Variants in ZMYND12 observed in about 807,000 individuals in gnomAD.
The protein encoded by ZMYND12 is zinc finger MYND-type containing 12.
In ZMYND12, 32 loss-of-function variants were observed where a neutral mutation model predicts 41.7. That is an observed-to-expected ratio of 0.77 (90% CI 0.58 to 1.03). The LOEUF is 1.03. Among genes scored for constraint, ZMYND12 ranks in the 50% least tolerant of loss-of-function variants. The pLI is 0.00. For synonymous variants in ZMYND12, 148 were observed against 164.8 expected, an observed-to-expected ratio of 0.90 and a Z score of 0.78; for missense variants, 424 against 438.5, an observed-to-expected ratio of 0.97 and a Z score of 0.30.
At chr1:42,431,991 A>G (rs552752559) in intron 7 of ZMYND12, among the ~76,000 whole-genome samples, 12 of 151,778 alleles carry the variant, frequency 7.9e-5, no homozygotes, top group African/African-American at 2.9e-4. Flanking sequence ...GCTCCCTCCA[A>G]CCAGCCTCCT....
intron 7 of ZMYND12, among the ~76,000 whole-genome samples, chr1:42,431,498 G>C (rs1313642264): frequency 2.6e-5 from 4 of 152,202 alleles, no homozygotes; most frequent in Non-Finnish European, 4.4e-5. Context: ...GTAGTAGTGG[G>C]GGTTTGCAGT....
At chr1:42,445,138 A>T (rs1643010187) in intron 3 of ZMYND12, among the ~76,000 whole-genome samples, 1 of 150,816 alleles carries the variant, frequency 6.6e-6, no homozygotes, top group African/African-American at 2.4e-5. Context: ...CAAGTATATT[A>T]AAAATGAGAC....
chr1:42,453,979 G>A (rs138611017), intron 1 of ZMYND12, among the ~76,000 whole-genome samples: 2,471 of 152,288 alleles, frequency 0.016, 41 homozygotes, highest in Non-Finnish European at 0.023. Flanking sequence ...AAAGAAAAAT[G>A]GTACTGTGAG....
chr1:42,452,024 G>A (rs770642263), intron 1 of ZMYND12, among the ~76,000 whole-genome samples: 3 of 152,146 alleles, frequency 2.0e-5, no homozygotes, highest in Non-Finnish European at 2.9e-5. Context: ...TAAGTAGCTT[G>A]TGAGCCACAT....
chr1:42,430,556 A>C lies in ZMYND12; in HGVS notation c.*180T>G. The C allele has an allele frequency of 1.4e-6, 1 of 699,526 alleles. No individual in the cohort carries two copies. Among genetic ancestry groups the C allele is most frequent in the Non-Finnish European group, 2.2e-6 (1 of 444,866 alleles). The allele number at this position is 699,526 out of a possible 1,614,324, so 43.3% of individuals were successfully genotyped here. A position where few individuals can be genotyped will look rare whatever the true frequency, so the allele number is the denominator to read the frequency against. ...CAGTTTTTAGTGATTTCTATGCCTA[A>C]AGCTTTATATTCCCTTAATATGCTG... On this transcript the variant is annotated 3_prime_UTR_variant, in exon 8 of 8. Transcript: ENST00000372565.
At chr1:42,442,097 T>C (rs959026891) in intron 3 of ZMYND12, among the ~76,000 whole-genome samples, 5 of 151,994 alleles carry the variant, frequency 3.3e-5, no homozygotes, top group African/African-American at 4.8e-5. Context: ...AATGAGGCTA[T>C]GGTGGTAGGC....
chr1:42,452,020 G>C (rs1396780794), intron 1 of ZMYND12, among the ~76,000 whole-genome samples: 1 of 152,138 alleles, frequency 6.6e-6, no homozygotes, highest in Non-Finnish European at 1.5e-5. Flanking sequence ...CAATTAAGTA[G>C]CTTGTGAGCC....
Position 42,432,106 on chromosome 1 carries a change from G to A in ZMYND12, c.975+1037C>T, listed in dbSNP as rs1488535203. Among the ~76,000 whole-genome samples the A allele has an allele frequency of 2.8e-5, 4 of 143,948 alleles. No homozygotes were observed. In the Admixed American group the frequency reaches 2.9e-4, roughly 10 times the overall value. The allele number at this position is 143,948 out of a possible 152,430, so 94.4% of individuals were successfully genotyped here. On this transcript the variant is annotated intron_variant, in intron 7 of 7. Coordinates refer to ENST00000372565, the MANE Select transcript of ZMYND12 (RefSeq NM_032257.5). The stretch of plus-strand genomic sequence containing the variant: ...GGATCTTGCTCTGTCACCCAGGCTA[G>A]AGTGCAGAGGCACAAGCACGGCTCA...
At chr1:42,441,449 T>C (rs1311864819) in intron 3 of ZMYND12, among the ~76,000 whole-genome samples, 1 of 152,210 alleles carries the variant, frequency 6.6e-6, no homozygotes. Context: ...TATTTGCATA[T>C]AACCTATGCA....
intron 5 of ZMYND12, among the ~76,000 whole-genome samples, chr1:42,435,862 G>A (rs1381914100): frequency 6.6e-6 from 1 of 152,106 alleles, no homozygotes; most frequent in Non-Finnish European, 1.5e-5. Context: ...CTCAGAAGCA[G>A]GTCTAAAACA....
chr1:42,448,363 T>C, intron 3 of ZMYND12, 104 bp downstream of exon 3: 2 of 1,309,326 alleles, frequency 1.5e-6, no homozygotes, highest in African/African-American at 1.5e-5. Flanking sequence ...CCTTCTACAA[T>C]AGGTCTCTTG....
intron 3 of ZMYND12, among the ~76,000 whole-genome samples, chr1:42,444,030 T>C (rs889151494): frequency 3.3e-5 from 5 of 152,134 alleles, no homozygotes; most frequent in African/African-American, 1.2e-4. Flanking sequence ...CATGACCGCC[T>C]AATTTTTTTG....
At chr1:42,432,288 C>T (rs1279280011) in intron 7 of ZMYND12, among the ~76,000 whole-genome samples, 5 of 151,874 alleles carry the variant, frequency 3.3e-5, no homozygotes, top group Non-Finnish European at 7.4e-5. Flanking sequence ...TCTTGAACTC[C>T]GGGACATAAG....
rs867005339 is a variant in ZMYND12, at chr1:42,433,261, C to G, written c.857G>C (p.Arg286Pro). ...LDEAQEAEAI[R>P]ILTSILNIRE... ...AATGTTCAAGATTGAAGTCAGGATG[C>G]GAATGGCTTCTGCTTCTTGGGCTTC... Residue 286 changes from arginine to proline, a missense_variant, in exon 7 of 8, where the codon CGC becomes CCC. Physicochemically the swap from Arg to Pro is moderately radical, Grantham distance 103. Coordinates refer to ENST00000372565, the MANE Select transcript of ZMYND12 (RefSeq NM_032257.5). 1.9e-6 allele frequency: 3 copies of G among 1,607,700 alleles called. No homozygotes were observed. Among genetic ancestry groups the G allele is most frequent in the Middle Eastern group, 3.3e-4 (2 of 6,042 alleles).
chr1:42,440,856 C>T (rs1642960574), intron 3 of ZMYND12, among the ~76,000 whole-genome samples: 1 of 152,004 alleles, frequency 6.6e-6, no homozygotes, highest in African/African-American at 2.4e-5. Context: ...TTAGTAGAGA[C>T]AGGGTTTCAC....
At position 42,439,880 on chromosome 1, in the gene ZMYND12, CTCT is replaced by C; in HGVS notation, c.567_569del (p.Glu190del). The C allele has an allele frequency of 6.2e-7, 1 of 1,611,758 alleles. No individual in the cohort carries two copies. On this transcript the variant is annotated inframe_deletion, in exon 4 of 8. Coordinates refer to ENST00000372565, the MANE Select transcript of ZMYND12 (RefSeq NM_032257.5). ...CATCATTGGCCAGATGATAACGGGCCTCTTCATAGTTTTTCTTAGCTATATAGA... is the reference window on the plus strand; with the variant it reads ...CATCATTGGCCAGATGATAACGGGCCTCATAGTTTTTCTTAGCTATATAGA...
chr1:42,447,090 A>G (rs1357514883), intron 3 of ZMYND12, among the ~76,000 whole-genome samples: 3 of 152,254 alleles, frequency 2.0e-5, no homozygotes, highest in Non-Finnish European at 2.9e-5. Flanking sequence ...ATAGTTTCAA[A>G]GGACGTATCC....
At chr1:42,438,618 A>G (rs1471314248) in intron 4 of ZMYND12, among the ~76,000 whole-genome samples, 2 of 152,148 alleles carry the variant, frequency 1.3e-5, no homozygotes, top group Non-Finnish European at 2.9e-5. Context: ...TCCAAACCCA[A>G]CCAAGGCCAG....
intron 5 of ZMYND12, 145 bp from the exon 6 acceptor site, chr1:42,435,530 C>A: frequency 1.6e-6 from 1 of 618,920 alleles, no homozygotes; most frequent in Admixed American, 2.7e-5. Context: ...AGAGGGAACC[C>A]TAGGAGCCCA....
Sources: allele counts gnomAD v4.1 joint callset (sites outside exome capture counted in the v4.1 genomes callset), GRCh38; gene constraint gnomAD v4.1.1; transcripts MANE v1.5; gene names NCBI Gene and HGNC (gene_info 2026-07-23, HGNC 2026-07-21).